DMBT1: variants seen among roughly 807,000 people sequenced by gnomAD.
DMBT1 encodes the protein scavenger receptor cysteine-rich domain-containing protein DMBT1.
A neutral mutation model predicts 252.9 loss-of-function variants in DMBT1; 198 were observed. The ratio of observed to expected loss-of-function variants is 0.78; its 90% confidence interval spans 0.70 to 0.88. DMBT1 has a LOEUF of 0.88. Ranked by LOEUF, DMBT1 falls within the 40% of genes least tolerant of loss-of-function variation. DMBT1 has a pLI of 0.00. For synonymous variants in DMBT1, 990 were observed against 942.7 expected (o/e 1.05, Z -0.92); for missense variants, 2,432 against 2,404.7 (o/e 1.01, Z -0.24).
chr10:122,579,896 G>C lies in DMBT1; in HGVS notation c.998G>C (p.Cys333Ser), dbSNP rs2097752449. The change falls in exon 10 of 56, where the codon TGC becomes TCC. Residue 333 changes from cysteine to serine, a missense_variant. This residue lies in a region of DMBT1 where 1,264 missense variants were observed against 1,082.2 expected (regional missense o/e 1.17). Transcript: ENST00000338354. ...CGHSEDAGVI[C>S]SAPQSRPTPS... ...CATAGTGAAGACGCTGGTGTCATCT[G>C]CTCAGGTGGGCCTTCAAGAACTTGG... is the stretch of plus-strand genomic sequence containing the variant. 7.4e-6 allele frequency: 12 copies of C among 1,613,842 alleles called. No individual in the cohort carries two copies. Among genetic ancestry groups the C allele is most frequent in the Non-Finnish European group, 1.0e-5 (12 of 1,179,772 alleles).
At chr10:122,590,494 C>G (rs937708751) in intron 17 of DMBT1, among the ~76,000 whole-genome samples, 171 bp from the exon 18 acceptor site, 1 of 148,514 alleles carries the variant, frequency 6.7e-6, no homozygotes, top group Admixed American at 6.7e-5. Context: ...AAGATCTGCC[C>G]AGATGCCTTT....
At chr10:122,626,096 A>G (rs1591520339) in intron 46 of DMBT1, 131 bp downstream of exon 46, 1 of 754,940 alleles carries the variant, frequency 1.3e-6, no homozygotes, top group East Asian at 2.5e-5. Context: ...CTGTCCCACT[A>G]TACCCTTCAC....
chr10:122,626,320 C>A (rs1238657580), intron 46 of DMBT1, among the ~76,000 whole-genome samples: 1 of 152,102 alleles, frequency 6.6e-6, no homozygotes, highest in African/African-American at 2.4e-5. Flanking sequence ...AATAGGGATA[C>A]TTTTCTGTGT....
chr10:122,577,371 G>A (rs540799518), intron 7 of DMBT1, among the ~76,000 whole-genome samples: 27 of 152,336 alleles, frequency 1.8e-4, no homozygotes, highest in Non-Finnish European at 3.8e-4. Flanking sequence ...GAGGATGGCA[G>A]TGAGTCGCAA....
At chr10:122,576,308 T>C in intron 6 of DMBT1, 91 bp from the exon 7 acceptor site, 2 of 1,511,564 alleles carry the variant, frequency 1.3e-6, no homozygotes, top group Non-Finnish European at 1.8e-6. Context: ...CAAAGATATC[T>C]GCCTATGGGG....
chr10:122,590,473 C>T (rs1364729513), intron 17 of DMBT1, among the ~76,000 whole-genome samples, 192 bp from the exon 18 acceptor site: 2 of 148,472 alleles, frequency 1.3e-5, no homozygotes, highest in Non-Finnish European at 1.5e-5. Flanking sequence ...TTGGAGCTGG[C>T]AGTAGTGGAC....
rs369513067 is a variant in DMBT1, at chr10:122,593,593, G to C, written c.2525G>C (p.Ser842Thr). 6.3e-7 allele frequency: 1 copy of C among 1,587,332 alleles called. No homozygotes were observed. Among genetic ancestry groups the C allele is most frequent in the African/African-American group, 1.3e-5 (1 of 74,200 alleles). ...GTTTCCCAGTCCCGGCCGACACCCAGTCCAGGTAGGTCCCCAGTGTCCTTC... is the reference window on the plus strand; with the variant it reads ...GTTTCCCAGTCCCGGCCGACACCCACTCCAGGTAGGTCCCCAGTGTCCTTC... ...CSVSQSRPTP[S>T]PDTWPTSHAS... Residue 842 changes from serine to threonine, a missense_variant, in exon 21 of 56, where the codon AGT (serine) becomes ACT (threonine). By Grantham distance (58) the Ser-to-Thr change is moderately conservative (BLOSUM62 1). Around this residue, in one of 3 missense-constraint regions of DMBT1, gnomAD observed 1,264 missense variants for 1,082.2 expected, o/e 1.17. Coordinates refer to ENST00000338354, the MANE Select transcript of DMBT1 (RefSeq NM_001377530.1).
At chr10:122,568,859 A>G (rs1425465576) in intron 2 of DMBT1, among the ~76,000 whole-genome samples, 1 of 152,228 alleles carries the variant, frequency 6.6e-6, no homozygotes, top group Non-Finnish European at 1.5e-5. Context: ...AGCGGATGGT[A>G]CAACCACGAA....
intron 52 of DMBT1, among the ~76,000 whole-genome samples, chr10:122,633,732 AGAGG>A (rs1379027007): frequency 9.9e-5 from 15 of 152,162 alleles, no homozygotes; most frequent in African/African-American, 3.6e-4. Context: ...GAGAGGAGAG[AGAGG>A]GAGAGAGATG....
At chr10:122,617,507 G>A (rs1565863460) in intron 40 of DMBT1, among the ~76,000 whole-genome samples, 1 of 151,466 alleles carries the variant, frequency 6.6e-6, no homozygotes, top group African/African-American at 2.4e-5. Flanking sequence ...AGGTGCTCAG[G>A]ACGAGCACTG....
intron 20 of DMBT1, 49 bp downstream of exon 20, chr10:122,592,644 AG>A: frequency 6.3e-7 from 1 of 1,585,054 alleles, no homozygotes. Context: ...GAGTTTGCTC[AG>A]GAAGAAAATC....
chr10:122,589,676 C>T (rs2097829639), intron 17 of DMBT1, among the ~76,000 whole-genome samples: 1 of 148,420 alleles, frequency 6.7e-6, no homozygotes, highest in African/African-American at 2.4e-5. Flanking sequence ...CAGCCTCAGG[C>T]TGCTTGTGCT....
chr10:122,597,907 G>A lies in DMBT1; in HGVS notation c.2918-67G>A, dbSNP rs574020353. On this transcript the variant is annotated intron_variant, in intron 24 of 55. Coordinates refer to ENST00000338354, the MANE Select transcript of DMBT1 (RefSeq NM_001377530.1). ...TTTCATGATGTTTGCCTTCTCCGGA[G>A]ACCTTTCCTTTTGGAGATTTTCACC... The A allele has an allele frequency of 5.0e-5, 80 of 1,611,580 alleles. 2 individuals are homozygous for A. In the African/African-American group the frequency reaches 9.7e-4, roughly 20 times the overall value.
intron 7 of DMBT1, 75 bp from the exon 8 acceptor site, chr10:122,577,736 C>T: frequency 1.3e-6 from 2 of 1,569,078 alleles, no homozygotes; most frequent in Non-Finnish European, 8.7e-7. Flanking sequence ...GTAGATACCC[C>T]AAGTCACTTC....
At chr10:122,573,163 G>A (rs764167400) in intron 5 of DMBT1, among the ~76,000 whole-genome samples, 2 of 152,214 alleles carry the variant, frequency 1.3e-5, no homozygotes, top group Non-Finnish European at 2.9e-5. Flanking sequence ...GCTGGACTGA[G>A]CCCATGCCAC....
chr10:122,573,927 C>G (rs183419973), intron 6 of DMBT1, among the ~76,000 whole-genome samples, 165 bp downstream of exon 6: 2 of 152,132 alleles, frequency 1.3e-5, no homozygotes, highest in South Asian at 2.1e-4. Flanking sequence ...TATCTTGCAT[C>G]GATCATGTCT....
chr10:122,629,547 T>G (rs990377924), intron 46 of DMBT1, among the ~76,000 whole-genome samples: 9 of 152,226 alleles, frequency 5.9e-5, no homozygotes, highest in African/African-American at 2.2e-4. Flanking sequence ...TGTCACTTTG[T>G]TGCTTTCTTG....
intron 6 of DMBT1, among the ~76,000 whole-genome samples, chr10:122,574,201 C>T (rs114682456): frequency 8.0e-4 from 122 of 152,316 alleles, no homozygotes; most frequent in African/African-American, 2.8e-3. Flanking sequence ...TTATGCCACC[C>T]TTGTTTCTTC....
At chr10:122,591,952 G>A (rs868729343) in intron 19 of DMBT1, among the ~76,000 whole-genome samples, 2 of 148,986 alleles carry the variant, frequency 1.3e-5, no homozygotes, top group African/African-American at 4.9e-5. Flanking sequence ...TTCGACATGG[G>A]GATAGCATAG....
Sources: allele counts gnomAD v4.1 joint callset (sites outside exome capture counted in the v4.1 genomes callset), GRCh38; gene constraint gnomAD v4.1.1; regional missense constraint gnomAD v4.1.1; transcripts MANE v1.5; gene names NCBI Gene and HGNC (gene_info 2026-07-23, HGNC 2026-07-21).